The following DPF1 variants were observed in gnomAD, a reference collection of about 807,000 sequenced individuals.
The protein encoded by DPF1 is double PHD fingers 1.
In DPF1, 14 loss-of-function variants were observed where a neutral mutation model predicts 58.7. The observed-to-expected ratio is 0.24, with a 90% CI of 0.16 to 0.37. The LOEUF is 0.37. DPF1 is among the 10% of genes least tolerant of loss of function. The pLI is 1.00. For missense variants in DPF1, 345 were observed against 529.9 expected (o/e 0.65, Z 3.43); for synonymous variants, 216 against 216.0 (o/e 1.00, Z 0.00).
intron 9 of DPF1, among the ~76,000 whole-genome samples, chr19:38,214,370 G>A (rs914295967): frequency 4.6e-5 from 7 of 152,096 alleles, no homozygotes; most frequent in Non-Finnish European, 7.4e-5. Flanking sequence ...CATGGCGCCC[G>A]CCCCCTGCAA....
At chr19:38,225,606 CTAAG>C (rs1021895609), upstream of DPF1, among the ~76,000 whole-genome samples, 94 of 136,216 alleles carry the variant, frequency 6.9e-4, no homozygotes, top group African/African-American at 2.4e-3. Context: ...AAACAAAAAA[CTAAG>C]TAAGCAGGGC....
Position 38,229,275 on chromosome 19 carries a change from C to A in DPF1, c.-132+284G>T, listed in dbSNP as rs1389374086. On this transcript the variant is annotated intron_variant, in intron 1 of 11. Transcript: ENST00000412732. This position sits in a 1 kb window ranked among gnomAD's most constrained non-coding sequence, Gnocchi z 5.3. Reference sequence around the variant, plus strand: ...AGATGGAGGAGAGGGAAACCCCTACCCCCACTCTGGGTGGGGAAACGGCCT... The same window carrying A: ...AGATGGAGGAGAGGGAAACCCCTACACCCACTCTGGGTGGGGAAACGGCCT... 2.0e-5 allele frequency among the ~76,000 whole-genome samples: 3 copies of A among 152,090 alleles called. No individual in the cohort carries two copies. Among genetic ancestry groups the A allele is most frequent in the African/African-American group, 4.8e-5 (2 of 41,432 alleles).
chr19:38,217,559 G>A lies in DPF1; in HGVS notation c.628C>T (p.Leu210Phe). The change falls in exon 7 of 12, where the codon CTC becomes TTC. Residue 210 changes from leucine to phenylalanine, a missense_variant. Transcript: ENST00000355526. ...TGGGTGTGGGTGTAGTGGTAGCTGA[G>A]CCCCGGCCGGTTCTTATACCGTTTC... ...CGKRYKNRPG[L>F]SYHYTHTHLA... The A allele has an allele frequency of 2.6e-6, 4 of 1,551,412 alleles. No homozygotes were observed. Among genetic ancestry groups the A allele is most frequent in the Non-Finnish European group, 3.5e-6 (4 of 1,146,880 alleles).
upstream of DPF1, among the ~76,000 whole-genome samples, chr19:38,228,909 C>T (rs1568326641): frequency 6.6e-6 from 1 of 151,902 alleles, no homozygotes; most frequent in Non-Finnish European, 1.5e-5. Context: ...GCAGCCGGTC[C>T]CCAAAGGGAT....
At position 38,217,576 on chromosome 19, in the gene DPF1, T is replaced by C; in HGVS notation, c.611A>G (p.Tyr204Cys). The C allele has an allele frequency of 1.3e-6, 2 of 1,550,776 alleles. No individual in the cohort carries two copies. Among genetic ancestry groups the C allele is most frequent in the Non-Finnish European group, 1.7e-6 (2 of 1,146,438 alleles). ...GTAGCTGAGCCCCGGCCGGTTCTTA[T>C]ACCGTTTCCCACAGACTGGGGAGCG... is the stretch of plus-strand genomic sequence containing the variant. Reference protein sequence around the residue: ...PYVCDICGKRYKNRPGLSYHY... With the variant: ...PYVCDICGKRCKNRPGLSYHY... Residue 204 changes from tyrosine (Y) to cysteine (C), a missense_variant, in exon 7 of 12, where the codon TAT becomes TGT. By Grantham distance (194) the Tyr-to-Cys change is radical. Transcript: ENST00000355526.
upstream of DPF1, among the ~76,000 whole-genome samples, chr19:38,226,503 T>C (rs66666015): frequency 0.29 from 39,337 of 133,536 alleles, 6,347 homozygotes; most frequent in African/African-American, 0.46. Flanking sequence ...CGGTCACTTC[T>C]ACACACACAC....
chr19:38,220,240 G>A (rs1278361544), intron 3 of DPF1, among the ~76,000 whole-genome samples: 2 of 145,690 alleles, frequency 1.4e-5, no homozygotes, highest in East Asian at 4.0e-4. Flanking sequence ...AAGAAAGAAA[G>A]AAGGAAGGAA....
upstream of DPF1, among the ~76,000 whole-genome samples, chr19:38,226,008 G>A (rs1967802017): frequency 6.6e-6 from 1 of 152,116 alleles, no homozygotes. Flanking sequence ...TCCAGGTGAG[G>A]AATCTGAGGC....
upstream of DPF1, among the ~76,000 whole-genome samples, chr19:38,228,904 C>T (rs2146237891): frequency 6.6e-6 from 1 of 152,002 alleles, no homozygotes; most frequent in East Asian, 2.0e-4. Context: ...CCTGGGCAGC[C>T]GGTCCCCAAA....
chr19:38,213,813 T>A (rs1973646444), intron 9 of DPF1, 57 bp from the exon 10 acceptor site: 1 of 1,453,866 alleles, frequency 6.9e-7, no homozygotes. Flanking sequence ...TGGTGGGCAC[T>A]GACCGGCAGG....
Position 38,212,773 on chromosome 19 carries a change from A to ACTT in DPF1, c.1012-415_1012-413dup, listed in dbSNP as rs1305037117. Among the ~76,000 whole-genome samples, 25 of 119,826 alleles carry ACTT rather than the reference A, an allele frequency of 2.1e-4. No individual in the cohort carries two copies. The East Asian group carries it at 5.6e-3, about 27-fold the overall frequency. 78.6% of individuals were successfully genotyped at this position (119,826 alleles called of 152,430 possible). A position where few individuals can be genotyped will look rare whatever the true frequency, so the allele number is the denominator to read the frequency against. ...CTACAGGTGTGCGCCACCATGCACG[A>ACTT]CTTTTTTTTTTTTTTTTTTTTTTTT... On this transcript the variant is annotated intron_variant, in intron 10 of 11. Coordinates refer to ENST00000355526, the MANE Select transcript of DPF1 (RefSeq NM_001135155.3).
chr19:38,224,744 C>T (rs751211042), upstream of DPF1, among the ~76,000 whole-genome samples: 36 of 152,178 alleles, frequency 2.4e-4, no homozygotes, highest in Non-Finnish European at 2.9e-4. The surrounding 1 kb of genome is among the most constrained non-coding windows in gnomAD (Gnocchi z 4.5). Context: ...CCCTGCTCAA[C>T]GCCTTCTGCA....
chr19:38,221,924 A>G (rs556905605), intron 3 of DPF1, among the ~76,000 whole-genome samples: 230 of 152,202 alleles, frequency 1.5e-3, no homozygotes, highest in African/African-American at 5.4e-3. Flanking sequence ...TCTACTAAAA[A>G]TACAAAATCA....
upstream of DPF1, among the ~76,000 whole-genome samples, chr19:38,228,986 C>T (rs1967939964): frequency 6.6e-6 from 1 of 151,928 alleles, no homozygotes; most frequent in East Asian, 2.0e-4. Context: ...AGACTGACGG[C>T]GGGTTCGGGG....
intron 9 of DPF1, among the ~76,000 whole-genome samples, chr19:38,214,415 T>C (rs1043534241): frequency 6.6e-6 from 1 of 152,304 alleles, no homozygotes; most frequent in East Asian, 1.9e-4. Flanking sequence ...TACATTCCAT[T>C]ATACTGAGTT....
chr19:38,211,189 AAC>A lies in DPF1; in HGVS notation c.*872_*873del, dbSNP rs1187631789. 6.6e-6 allele frequency: 1 copy of A among 152,266 alleles called. No individual in the cohort carries two copies. Among genetic ancestry groups the A allele is most frequent in the African/African-American group, 2.4e-5 (1 of 41,432 alleles). The allele number at this position is 152,266 out of a possible 1,614,324, so 9.4% of individuals were successfully genotyped here. On this transcript the variant is annotated 3_prime_UTR_variant, in exon 12 of 12. Transcript: ENST00000355526. This position sits in a 1 kb window ranked among gnomAD's most constrained non-coding sequence, Gnocchi z 4.0. ...TCCCTTTTTTAAAACCCGAACAACAAACACACACAACCACAAGAAACAACCAC... is the reference window on the plus strand; with the variant it reads ...TCCCTTTTTTAAAACCCGAACAACAAACACACAACCACAAGAAACAACCAC...
intron 3 of DPF1, among the ~76,000 whole-genome samples, chr19:38,220,634 G>GAAAAAGA (rs998614151): frequency 6.7e-6 from 1 of 149,468 alleles, no homozygotes; most frequent in Non-Finnish European, 1.5e-5. Context: ...AAAAGAAAAA[G>GAAAAAGA]AAAAAGAAAA....
At chr19:38,224,241 G>T (rs1967715089), upstream of DPF1, 3 of 1,272,336 alleles carry the variant, frequency 2.4e-6, no homozygotes, top group Admixed American at 4.1e-5. This position sits in a 1 kb window ranked among gnomAD's most constrained non-coding sequence, Gnocchi z 4.5. Context: ...TTCCCGGGGG[G>T]CGGGAGCACG....
intron 9 of DPF1, among the ~76,000 whole-genome samples, chr19:38,214,396 C>T (rs1373966422): frequency 6.6e-6 from 1 of 152,210 alleles, no homozygotes; most frequent in African/African-American, 2.4e-5. Context: ...GCCCCGGTGC[C>T]ATCACAACTA....
Sources: allele counts gnomAD v4.1 joint callset (sites outside exome capture counted in the v4.1 genomes callset), GRCh38; gene constraint gnomAD v4.1.1; non-coding constraint Gnocchi (gnomAD v3.1); transcripts MANE v1.5; gene names NCBI Gene and HGNC (gene_info 2026-07-23, HGNC 2026-07-21).